Variants in UBE3B observed in about 807,000 individuals in gnomAD.
UBE3B encodes ubiquitin protein ligase E3B, also known as ubiquitin-protein ligase E3B.
A neutral mutation model predicts 132.3 loss-of-function variants in UBE3B; 80 were observed. That is an observed-to-expected ratio of 0.60 (90% CI 0.50 to 0.73). The LOEUF (loss-of-function observed/expected upper bound fraction) is 0.73. UBE3B is among the 30% of genes least tolerant of loss of function. The probability of loss-of-function intolerance (pLI) is 0.00; values close to 1 mark genes in which losing one functional copy is unlikely to be tolerated. For missense variants in UBE3B, 1,196 were observed against 1,362.5 expected (o/e 0.88, Z 1.92); for synonymous variants, 487 against 520.4 (o/e 0.94, Z 0.87).
intron 7 of UBE3B, 133 bp downstream of exon 7, chr12:109,488,801 C>G: frequency 1.3e-6 from 1 of 757,190 alleles, no homozygotes; most frequent in Non-Finnish European, 2.3e-6. Context: ...AATGAGGATG[C>G]CCTTGGTGCT....
intron 26 of UBE3B, 51 bp from the exon 27 acceptor site, chr12:109,533,415 T>C (rs775226332): frequency 1.3e-6 from 2 of 1,526,046 alleles, no homozygotes; most frequent in East Asian, 4.5e-5. Flanking sequence ...GGGCCCGTCC[T>C]GGAAGAGCAG....
chr12:109,482,036 C>CT (rs1210829703), intron 2 of UBE3B, among the ~76,000 whole-genome samples: 1 of 151,782 alleles, frequency 6.6e-6, no homozygotes, highest in Non-Finnish European at 1.5e-5. Flanking sequence ...CTTGCACCAA[C>CT]TTTTTTTTGG....
chr12:109,492,718 A>T (rs1479993405), intron 9 of UBE3B: 1 of 148,544 alleles, frequency 6.7e-6, no homozygotes, highest in African/African-American at 2.5e-5. Flanking sequence ...AGCCTGGATG[A>T]CAGAGTGATA....
Position 109,503,073 on chromosome 12 carries a change from AG to A in UBE3B, c.1335del (p.Arg445SerfsTer27). ...QKSASVRNIL[R>X]PVGGKRVDSA... ...GTCGGCATCAGTCCGGAATATTCTC[AG>A]GCCTGTCGGGGGTAAACGGGTCGAC... is the stretch of plus-strand genomic sequence containing the variant. On this transcript the variant is annotated frameshift_variant, in exon 14 of 28. Transcript: ENST00000342494. LOFTEE classifies it high-confidence loss of function. 6.2e-7 allele frequency: 1 copy of A among 1,614,096 alleles called. No homozygotes were observed. The highest frequency in any genetic ancestry group is 8.5e-7 in the Non-Finnish European group (1 of 1,179,980).
downstream of UBE3B, among the ~76,000 whole-genome samples, chr12:109,538,981 A>G (rs1456594887): frequency 6.6e-6 from 1 of 152,232 alleles, no homozygotes; most frequent in Non-Finnish European, 1.5e-5. This position sits in a 1 kb window ranked among gnomAD's most constrained non-coding sequence, Gnocchi z 4.1. Context: ...CATGCCTGTA[A>G]TCTGAACACT....
chr12:109,524,638 C>G, intron 23 of UBE3B, 135 bp downstream of exon 23: 1 of 914,606 alleles, frequency 1.1e-6, no homozygotes, highest in Non-Finnish European at 1.7e-6. Context: ...CACCCCTCGC[C>G]CATCCTCCTC....
chr12:109,536,859 T>C (rs1178631673), downstream of UBE3B, among the ~76,000 whole-genome samples: 3 of 152,156 alleles, frequency 2.0e-5, no homozygotes, highest in Non-Finnish European at 2.9e-5. Flanking sequence ...TCAGGGATGT[T>C]GGCAGTCTGT....
At chr12:109,484,612 G>A (rs962405254) in intron 4 of UBE3B, among the ~76,000 whole-genome samples, 4 of 151,930 alleles carry the variant, frequency 2.6e-5, no homozygotes, top group African/African-American at 7.3e-5. Context: ...GGATAGTCTC[G>A]ATCTCTTAGC....
At chr12:109,517,009 G>A in intron 19 of UBE3B, 125 bp downstream of exon 19, 9 of 1,405,410 alleles carry the variant, frequency 6.4e-6, no homozygotes, top group Non-Finnish European at 7.5e-6. Context: ...TTAAGGCTCT[G>A]GGAGCAGGAA....
At chr12:109,539,853 G>A (rs1000685710), downstream of UBE3B, among the ~76,000 whole-genome samples, 1 of 152,018 alleles carries the variant, frequency 6.6e-6, no homozygotes, top group Admixed American at 6.6e-5. Flanking sequence ...TGCACTGGGG[G>A]CAGCAGCTCC....
intron 13 of UBE3B, 55 bp downstream of exon 13, chr12:109,501,589 C>T: frequency 1.3e-6 from 2 of 1,561,776 alleles, no homozygotes; most frequent in Non-Finnish European, 1.7e-6. Flanking sequence ...AAGTACAGCT[C>T]CTGTTTCTTC....
chr12:109,490,462 T>C (rs1355628274), intron 8 of UBE3B: 4 of 1,535,176 alleles, frequency 2.6e-6, no homozygotes, highest in Non-Finnish European at 3.5e-6. Flanking sequence ...TGAGAAGTAA[T>C]GTTGACTTTG....
intron 26 of UBE3B, among the ~76,000 whole-genome samples, chr12:109,531,419 A>G (rs1882926540): frequency 6.6e-6 from 1 of 152,200 alleles, no homozygotes; most frequent in African/African-American, 2.4e-5. Flanking sequence ...ATGGGATCCT[A>G]TCATTTCCCA....
At chr12:109,486,322 A>ATTT in intron 5 of UBE3B, 149 bp from the exon 6 acceptor site, 9 of 754,940 alleles carry the variant, frequency 1.2e-5, no homozygotes, top group East Asian at 2.7e-5. Context: ...TAGTGTTAAA[A>ATTT]TAAGTCCTGT....
Position 109,507,694 on chromosome 12 carries a change from C to T in UBE3B, c.1581C>T (p.Ala527=). Reference sequence around the variant, plus strand: ...CTGAAGAGTCCAAGCAACTCTTGGCCATGCTGATGCTGTTCTGTGACTGTT... The same window carrying T: ...CTGAAGAGTCCAAGCAACTCTTGGCTATGCTGATGCTGTTCTGTGACTGTT... ...NDTEESKQLL[A]MLMLFCDCSR... Residue 527 remains alanine (A), a synonymous_variant, in exon 15 of 28, where the codon GCC becomes GCT. Transcript: ENST00000342494. The T allele has an allele frequency of 6.2e-7, 1 of 1,614,156 alleles. No individual in the cohort carries two copies. The highest frequency in any genetic ancestry group is 8.5e-7 in the Non-Finnish European group (1 of 1,180,010).
Position 109,503,182 on chromosome 12 carries a change from T to TA in UBE3B, c.1443dup (p.Leu482ThrfsTer8), listed in dbSNP as rs1191700641. The TA allele has an allele frequency of 1.9e-6, 3 of 1,614,134 alleles. No homozygotes were observed. Among genetic ancestry groups the TA allele is most frequent in the Non-Finnish European group, 8.5e-7 (1 of 1,179,956 alleles). On this transcript the variant is annotated frameshift_variant, in exon 14 of 28. Transcript: ENST00000342494. LOFTEE classifies it high-confidence loss of function. Reference sequence around the variant, plus strand: ...ACTCTCACACAGATTCGGCTGCAGATACTCACAGGTTCGCAGTCCCCAGGG... The same window carrying TA: ...ACTCTCACACAGATTCGGCTGCAGATAACTCACAGGTTCGCAGTCCCCAGGG...
chr12:109,507,888 C>T (rs1351011085), intron 15 of UBE3B, among the ~76,000 whole-genome samples, 153 bp downstream of exon 15: 1 of 152,182 alleles, frequency 6.6e-6, no homozygotes, highest in Non-Finnish European at 1.5e-5. Flanking sequence ...ACCAAGTGAG[C>T]AGTGTGCAGT....
chr12:109,546,543 C>T, the UBE3B span, among the ~76,000 whole-genome samples: 1 of 152,212 alleles, frequency 6.6e-6, no homozygotes, highest in Non-Finnish European at 1.5e-5. Context: ...CAGCCAGCAA[C>T]CCATCCTCGC....
Position 109,527,207 on chromosome 12 carries a change from A to C in UBE3B, c.2627+791A>C, listed in dbSNP as rs12423800. 6.0e-4 allele frequency among the ~76,000 whole-genome samples: 91 copies of C among 152,320 alleles called. 3 individuals are homozygous for C. Among genetic ancestry groups the C allele is most frequent in the Admixed American group, 5.2e-3 (80 of 15,300 alleles). On this transcript the variant is annotated intron_variant, in intron 24 of 27. Coordinates refer to ENST00000342494, the MANE Select transcript of UBE3B (RefSeq NM_130466.4). ...ATTGGAGAGACTCTGAGGCCCAGCA[A>C]CTATTGTCACAGATAAAGGGCTCTG...
Sources: gnomAD v4.1 joint callset for allele counts (sites outside exome capture counted in the v4.1 genomes callset) on GRCh38, gnomAD v4.1.1 for gene constraint, Gnocchi (gnomAD v3.1) non-coding constraint, MANE v1.5 for transcripts, NCBI Gene and HGNC (gene_info 2026-07-23, HGNC 2026-07-21) for gene names.